The following RFC3 variants were observed in gnomAD, a reference collection of about 807,000 sequenced individuals.
RFC3 encodes A1 38 kDa subunit.
RFC3 carries 41 observed loss-of-function variants against 45.1 expected under a neutral mutation model. That is an observed-to-expected ratio of 0.91 (90% CI 0.71 to 1.18). The LOEUF (loss-of-function observed/expected upper bound fraction) is 1.18. Among genes scored for constraint, RFC3 ranks in the 50% most tolerant of loss-of-function variants. RFC3 has a pLI of 0.00. For synonymous variants in RFC3, 149 were observed against 144.0 expected (o/e 1.03, Z -0.25); for missense variants, 423 against 428.1 (o/e 0.99, Z 0.10).
Position 33,837,097 on chromosome 13 carries a change from T to C in RFC3, c.*802T>C, listed in dbSNP as rs901494709. On this transcript the variant is annotated 3_prime_UTR_variant, in exon 9 of 9. Coordinates refer to ENST00000380071, the MANE Select transcript of RFC3 (RefSeq NM_002915.4). ...CGAACAATTCCTTTACTACGAAGTATAATTTATAAAATAAAATATACCCAT... is the reference window on the plus strand; with the variant it reads ...CGAACAATTCCTTTACTACGAAGTACAATTTATAAAATAAAATATACCCAT... 10 of 953,138 alleles carry C rather than the reference T, an allele frequency of 1.0e-5. No individual in the cohort carries two copies. The African/African-American group carries it at 1.8e-4, about 17-fold the overall frequency. 59.0% of individuals were successfully genotyped at this position (953,138 alleles called of 1,614,324 possible). A position where few individuals can be genotyped will look rare whatever the true frequency, so the allele number is the denominator to read the frequency against.
intron 8 of RFC3, among the ~76,000 whole-genome samples, chr13:33,859,252 G>C (rs867181878): frequency 4.6e-5 from 7 of 152,074 alleles, no homozygotes; most frequent in Admixed American, 1.3e-4. Flanking sequence ...TTTCCCCAAG[G>C]CAACATCTAA....
intron 8 of RFC3, among the ~76,000 whole-genome samples, chr13:33,876,388 A>G (rs193103647): frequency 6.6e-6 from 1 of 152,274 alleles, no homozygotes. Context: ...TTTGTTGACA[A>G]TCCTTATTTT....
intron 8 of RFC3, among the ~76,000 whole-genome samples, chr13:33,944,181 G>A (rs137983118): frequency 2.0e-5 from 3 of 152,264 alleles, no homozygotes; most frequent in Non-Finnish European, 2.9e-5. Context: ...TCATTTGGTT[G>A]TTATGAACTC....
intron 8 of RFC3, among the ~76,000 whole-genome samples, chr13:33,944,467 T>A (rs1013734299): frequency 1.3e-5 from 2 of 152,168 alleles, no homozygotes; most frequent in Non-Finnish European, 2.9e-5. Context: ...AAGGAAAGAA[T>A]GCAAGGATGT....
In RFC3 at chr13:33,894,343, T is replaced by G. The variant is rs9528307; in HGVS notation, c.879+59126T>G. Among the ~76,000 whole-genome samples the G allele has an allele frequency of 6.3e-3, 952 of 152,320 alleles. 6 individuals carry two copies. Among genetic ancestry groups the G allele is most frequent in the Non-Finnish European group, 9.9e-3 (675 of 68,020 alleles). On this transcript the variant is annotated intron_variant, in intron 8 of 8. Transcript: ENST00000434425. ...GAGTGGCATCAGGATGTGCTTTGCA[T>G]GCACTTCCAGTTTCCAGTGGGAATG... is the stretch of plus-strand genomic sequence containing the variant.
chr13:33,891,116 C>G (rs551115660), intron 8 of RFC3, among the ~76,000 whole-genome samples: 1 of 152,070 alleles, frequency 6.6e-6, no homozygotes, highest in Non-Finnish European at 1.5e-5. Context: ...GACTCCACCA[C>G]GTTTAGTGGT....
intron 8 of RFC3, among the ~76,000 whole-genome samples, chr13:33,961,018 C>G (rs775794301): frequency 5.3e-5 from 8 of 152,176 alleles, no homozygotes; most frequent in Non-Finnish European, 8.8e-5. Flanking sequence ...AAGTTTGAAT[C>G]TCAGATAAAT....
intron 8 of RFC3, among the ~76,000 whole-genome samples, chr13:33,860,587 A>G (rs936310034): frequency 2.6e-5 from 4 of 152,016 alleles, no homozygotes; most frequent in African/African-American, 9.7e-5. Context: ...CGGCTTTTTA[A>G]TGTGACAATC....
chr13:33,865,675 G>A (rs547347588), intron 8 of RFC3, among the ~76,000 whole-genome samples: 23 of 152,144 alleles, frequency 1.5e-4, no homozygotes, highest in Admixed American at 5.2e-4. Flanking sequence ...AGACCAAACA[G>A]CAAGAAATAG....
Position 33,835,161 on chromosome 13 carries a change from C to A in RFC3, c.823C>A (p.Arg275Ser). The change falls in exon 8 of 9, where the codon CGT becomes AGT. Residue 275 changes from arginine to serine, a missense_variant. Arg to Ser is a moderately radical substitution (Grantham distance 110). Coordinates refer to ENST00000380071, the MANE Select transcript of RFC3 (RefSeq NM_002915.4). Reference protein sequence around the residue: ...QQTPQRLLEVRGRLYELLTHC... With the variant: ...QQTPQRLLEVSGRLYELLTHC... ...TGTTTTATGTAGGCTCCTTGAAGTT[C>A]GTGGAAGGCTGTATGAGCTTCTAAC... 6.2e-7 allele frequency: 1 copy of A among 1,605,550 alleles called. No homozygotes were observed. Among genetic ancestry groups the A allele is most frequent in the Non-Finnish European group, 8.5e-7 (1 of 1,173,888 alleles).
chr13:33,940,849 C>T lies in RFC3; in HGVS notation c.880-25238C>T, dbSNP rs149643056. Among the ~76,000 whole-genome samples, 1,294 of 152,256 alleles carry T rather than the reference C, an allele frequency of 8.5e-3. 24 individuals carry two copies. The highest frequency in any genetic ancestry group is 0.03 in the African/African-American group (1,229 of 41,544). On this transcript the variant is annotated intron_variant, in intron 8 of 8. Coordinates refer to the RFC3 transcript ENST00000434425. The stretch of plus-strand genomic sequence containing the variant: ...TTATTGCCATCATATATTTTTATTA[C>T]GTTATGAACTCTGTAGCACGTTACT...
chr13:33,931,806 GT>G (rs1464114237), intron 8 of RFC3, among the ~76,000 whole-genome samples: 7 of 151,844 alleles, frequency 4.6e-5, no homozygotes, highest in African/African-American at 1.7e-4. Context: ...AGTCACCTAC[GT>G]TTGCTTTTTT....
At chr13:33,859,268 T>C (rs1257235940) in intron 8 of RFC3, among the ~76,000 whole-genome samples, 2 of 152,122 alleles carry the variant, frequency 1.3e-5, no homozygotes, top group African/African-American at 4.8e-5. Flanking sequence ...TCTAAAGGCC[T>C]AAAAGAGAAT....
intron 8 of RFC3, among the ~76,000 whole-genome samples, chr13:33,928,286 G>A (rs2082828505): frequency 6.6e-6 from 1 of 152,038 alleles, no homozygotes; most frequent in South Asian, 2.1e-4. Flanking sequence ...AACTTGAGAT[G>A]CAAGTACTAC....
intron 8 of RFC3, chr13:33,849,190 C>A (rs963304594): frequency 6.6e-6 from 1 of 152,106 alleles, no homozygotes; most frequent in Non-Finnish European, 1.5e-5. Context: ...TTTACATAGT[C>A]CAGGCAAACT....
At position 33,837,073 on chromosome 13, in the gene RFC3, G is replaced by T; in HGVS notation, c.*778G>T. ...TTGACAAATTTGTGTGACAGACTCC[G>T]AACAATTCCTTTACTACGAAGTATA... On this transcript the variant is annotated 3_prime_UTR_variant, in exon 9 of 9. Transcript: ENST00000380071. 1.0e-6 allele frequency: 1 copy of T among 977,948 alleles called. No homozygotes were observed. The highest frequency in any genetic ancestry group is 1.7e-5 in the African/African-American group (1 of 57,198). 60.6% of individuals were successfully genotyped at this position (977,948 alleles called of 1,614,324 possible).
At chr13:33,877,290 G>A (rs2082454621) in intron 8 of RFC3, among the ~76,000 whole-genome samples, 1 of 152,094 alleles carries the variant, frequency 6.6e-6, no homozygotes, top group African/African-American at 2.4e-5. Flanking sequence ...TCTTATAGAG[G>A]GTCTACTCTT....
chr13:33,901,123 A>G (rs1357727282), intron 8 of RFC3, among the ~76,000 whole-genome samples: 10 of 152,058 alleles, frequency 6.6e-5, no homozygotes, highest in Non-Finnish European at 1.5e-4. Flanking sequence ...CACTGTAGAA[A>G]ACAATATGGA....
At chr13:33,823,873 A>G in intron 2 of RFC3, 44 bp from the exon 3 acceptor site, 1 of 983,120 alleles carries the variant, frequency 1.0e-6, no homozygotes, top group South Asian at 1.5e-5. Flanking sequence ...GTGGGGAAAT[A>G]GGCAATAAAT....
Sources: gnomAD v4.1 joint callset for allele counts (sites outside exome capture counted in the v4.1 genomes callset) on GRCh38, gnomAD v4.1.1 for gene constraint, MANE v1.5 for transcripts, NCBI Gene and HGNC (gene_info 2026-07-23, HGNC 2026-07-21) for gene names.